Variants in CCDC146 observed in about 807,000 individuals in gnomAD.
CCDC146 encodes the protein coiled-coil domain-containing protein 146.
CCDC146 carries 92 observed loss-of-function variants against 119.3 expected under a neutral mutation model. That is an observed-to-expected ratio of 0.77 (90% CI 0.65 to 0.92). The LOEUF (loss-of-function observed/expected upper bound fraction) is 0.92, where lower values mean the gene tolerates loss of function less well. CCDC146 is among the 40% of genes least tolerant of loss of function. The probability of loss-of-function intolerance (pLI) is 0.00; values close to 1 mark genes in which losing one functional copy is unlikely to be tolerated. For missense variants in CCDC146, 1,000 were observed against 1,103.0 expected (o/e 0.91, Z 1.32); for synonymous variants, 372 against 371.8 (o/e 1.00, Z -0.01).
At chr7:77,223,950 C>T (rs1792454553) in intron 2 of CCDC146, among the ~76,000 whole-genome samples, 1 of 152,124 alleles carries the variant, frequency 6.6e-6, no homozygotes, top group Non-Finnish European at 1.5e-5. Flanking sequence ...GGAGGTGTCA[C>T]TTGAAGGAGC....
chr7:77,234,894 A>C (rs991194389), intron 2 of CCDC146, among the ~76,000 whole-genome samples: 2 of 152,182 alleles, frequency 1.3e-5, no homozygotes, highest in Admixed American at 1.3e-4. Flanking sequence ...AGGGATTGGA[A>C]GCCAGGCCTG....
At chr7:77,210,689 G>C (rs1487910566) in intron 2 of CCDC146, among the ~76,000 whole-genome samples, 1 of 152,124 alleles carries the variant, frequency 6.6e-6, no homozygotes, top group Non-Finnish European at 1.5e-5. Context: ...CCTGAGACTG[G>C]GTAATTTATA....
intron 2 of CCDC146, among the ~76,000 whole-genome samples, chr7:77,217,262 C>G (rs1489384965): frequency 6.6e-6 from 1 of 151,766 alleles, no homozygotes; most frequent in East Asian, 1.9e-4. Context: ...ATAAGACATT[C>G]CAAAAAGCTT....
intron 1 of CCDC146, among the ~76,000 whole-genome samples, chr7:77,141,827 T>C (rs969326615): frequency 4.1e-4 from 62 of 152,340 alleles, no homozygotes; most frequent in Middle Eastern, 3.4e-3. Context: ...CTTTGTCAGA[T>C]AGATAGATTG....
chr7:77,273,988 G>A (rs529172168), intron 10 of CCDC146, among the ~76,000 whole-genome samples, 199 bp downstream of exon 10: 274 of 152,218 alleles, frequency 1.8e-3, no homozygotes, highest in Non-Finnish European at 2.7e-3. Flanking sequence ...TGTTTGAACC[G>A]CAAAAAGTAT....
At chr7:77,241,249 G>A (rs1390017195) in intron 3 of CCDC146, among the ~76,000 whole-genome samples, 1 of 56,568 alleles carries the variant, frequency 1.8e-5, no homozygotes, top group Non-Finnish European at 6.0e-5. Flanking sequence ...AGTAGAGACG[G>A]GGTTTCACTG....
intron 1 of CCDC146, among the ~76,000 whole-genome samples, chr7:77,150,270 G>T (rs1472382369): frequency 1.3e-5 from 2 of 151,784 alleles, no homozygotes; most frequent in Non-Finnish European, 2.9e-5. Context: ...AAATGAAAAG[G>T]CTAGGAGACA....
intron 2 of CCDC146, among the ~76,000 whole-genome samples, chr7:77,176,094 C>T (rs986654033): frequency 2.6e-5 from 4 of 151,052 alleles, no homozygotes; most frequent in Admixed American, 2.0e-4. Context: ...CTGGTTTCTT[C>T]GTCCATACCC....
intron 1 of CCDC146, among the ~76,000 whole-genome samples, chr7:77,148,839 C>G (rs1791064889): frequency 6.6e-6 from 1 of 152,132 alleles, no homozygotes; most frequent in Admixed American, 6.5e-5. Context: ...AGGACACAAA[C>G]AAATGGAAAA....
intron 4 of CCDC146, among the ~76,000 whole-genome samples, chr7:77,251,763 C>T (rs945495996): frequency 5.9e-5 from 9 of 152,308 alleles, no homozygotes; most frequent in African/African-American, 1.9e-4. Context: ...TGCTCGCTCG[C>T]TCTTGTGCTC....
rs990968255 is a variant in CCDC146 at position 77,228,660 on chromosome 7, T to C, written c.157-8287T>C. On this transcript the variant is annotated intron_variant, in intron 2 of 18. Coordinates refer to ENST00000285871, the MANE Select transcript of CCDC146 (RefSeq NM_020879.3). ...TTTATAATAGAATAATTTATATTCC[T>C]TTGGGTATATACCCATTAATGGGAT... Among the ~76,000 whole-genome samples the C allele has an allele frequency of 1.4e-4, 21 of 152,240 alleles. 1 individual carries two copies. The highest frequency in any genetic ancestry group is 4.8e-4 in the African/African-American group (20 of 41,466).
At chr7:77,206,587 T>G (rs773278738) in intron 2 of CCDC146, among the ~76,000 whole-genome samples, 1 of 150,842 alleles carries the variant, frequency 6.6e-6, no homozygotes, top group African/African-American at 2.4e-5. Context: ...GAGCTGAGAT[T>G]GCACCACTGC....
chr7:77,144,570 T>C (rs1790985831), intron 1 of CCDC146, among the ~76,000 whole-genome samples: 1 of 151,824 alleles, frequency 6.6e-6, no homozygotes. Flanking sequence ...AAATACCTCT[T>C]ATTATTTTGA....
intron 4 of CCDC146, 36 bp from the exon 5 acceptor site, chr7:77,254,470 T>C (rs1262874085): frequency 5.1e-6 from 6 of 1,174,898 alleles, no homozygotes; most frequent in African/African-American, 1.6e-5. Context: ...GCTTATTTCT[T>C]TGTACTTTTT....
intron 2 of CCDC146, among the ~76,000 whole-genome samples, chr7:77,175,983 G>A (rs1791493831): frequency 6.6e-6 from 1 of 151,248 alleles, no homozygotes; most frequent in Non-Finnish European, 1.5e-5. Context: ...AAGGGAAAGG[G>A]AGGCTTGACT....
chr7:77,284,036 A>G (rs2150550540), intron 15 of CCDC146, among the ~76,000 whole-genome samples: 1 of 152,236 alleles, frequency 6.6e-6, no homozygotes, highest in Middle Eastern at 3.4e-3. Flanking sequence ...TGCTTCCAAC[A>G]AGGTTCATTT....
chr7:77,125,443 A>G (rs1211015631), intron 1 of CCDC146, among the ~76,000 whole-genome samples: 8 of 151,866 alleles, frequency 5.3e-5, no homozygotes, highest in African/African-American at 1.9e-4. Context: ...AACAGTTGTT[A>G]TCTTTAAGCA....
intron 2 of CCDC146, among the ~76,000 whole-genome samples, chr7:77,173,835 C>T (rs1584041864): frequency 1.3e-5 from 2 of 152,120 alleles, no homozygotes; most frequent in Admixed American, 1.3e-4. Context: ...TAAGGTATAA[C>T]ATATAGAGTA....
At chr7:77,140,622 C>T (rs1367859863) in intron 1 of CCDC146, among the ~76,000 whole-genome samples, 1 of 152,128 alleles carries the variant, frequency 6.6e-6, no homozygotes, top group Non-Finnish European at 1.5e-5. Flanking sequence ...CAGGCCCCAT[C>T]TGGAAATATC....
Sources: gnomAD v4.1 joint callset for allele counts (sites outside exome capture counted in the v4.1 genomes callset) on GRCh38, gnomAD v4.1.1 for gene constraint, MANE v1.5 for transcripts, NCBI Gene and HGNC (gene_info 2026-07-23, HGNC 2026-07-21) for gene names.